The following GCNT2 variants were observed in gnomAD, a reference collection of about 807,000 sequenced individuals.
GCNT2 encodes the protein glucosaminyl (N-acetyl) transferase 2 (I blood group), also known as N-acetyllactosaminide beta-1,6-N-acetylglucosaminyl-transferase.
Under a neutral mutation model 34.2 loss-of-function variants are expected in GCNT2, and 34 were observed. The ratio of observed to expected loss-of-function variants is 1.00; its 90% confidence interval spans 0.76 to 1.32. The LOEUF (loss-of-function observed/expected upper bound fraction) is 1.32, where lower values mean the gene tolerates loss of function less well. Ranked by LOEUF, GCNT2 falls within the 40% of genes most tolerant of loss-of-function variation. GCNT2 has a pLI of 0.00. For missense variants in GCNT2, 584 were observed against 489.4 expected, an observed-to-expected ratio of 1.19 and a Z score of -1.82; for synonymous variants, 212 against 188.0, an observed-to-expected ratio of 1.13 and a Z score of -1.04.
In GCNT2 at chr6:10,527,817, C is replaced by T. The variant is rs1761273594; in HGVS notation, c.-282+157C>T. Among the ~76,000 whole-genome samples, 5 of 152,078 alleles carry T rather than the reference C, an allele frequency of 3.3e-5. No individual in the cohort carries two copies. The South Asian group carries it at 1.0e-3, about 32-fold the overall frequency. ...CGGCGATGGACTCTGTATATGTTAT[C>T]TCATTTTATTCTCACAATTGACCTC... On this transcript the variant is annotated intron_variant, in intron 2 of 4. Transcript: ENST00000495262.
At chr6:10,525,160 C>CT (rs1224321769) in intron 1 of GCNT2, among the ~76,000 whole-genome samples, 1 of 152,144 alleles carries the variant, frequency 6.6e-6, no homozygotes, top group Non-Finnish European at 1.5e-5. Flanking sequence ...AGATTAAACT[C>CT]TAAGTGCAGT....
intron 3 of GCNT2, among the ~76,000 whole-genome samples, chr6:10,620,555 G>A (rs768717774): frequency 1.3e-5 from 2 of 151,880 alleles, no homozygotes; most frequent in African/African-American, 4.8e-5. Context: ...CTACAAGCAC[G>A]TGCCACCGCA....
intron 3 of GCNT2, among the ~76,000 whole-genome samples, chr6:10,550,829 GCAGGGGCCCT>G (rs1762448504): frequency 6.6e-6 from 1 of 152,170 alleles, no homozygotes; most frequent in Admixed American, 6.5e-5. Flanking sequence ...AACTCTTAGG[GCAGGGGCCCT>G]GTAACCTGTA....
chr6:10,545,543 A>G (rs992970360), intron 3 of GCNT2, among the ~76,000 whole-genome samples: 1 of 152,236 alleles, frequency 6.6e-6, no homozygotes, highest in Non-Finnish European at 1.5e-5. Flanking sequence ...TATTAGGAAT[A>G]AAGCGAACTT....
At chr6:10,543,028 C>T (rs1241074596) in intron 3 of GCNT2, among the ~76,000 whole-genome samples, 7 of 151,540 alleles carry the variant, frequency 4.6e-5, no homozygotes, top group African/African-American at 9.7e-5. Flanking sequence ...CTACCTCAGC[C>T]TCCCAAGTAG....
At chr6:10,561,099 C>T (rs948470518) in intron 3 of GCNT2, among the ~76,000 whole-genome samples, 1 of 152,216 alleles carries the variant, frequency 6.6e-6, no homozygotes, top group Non-Finnish European at 1.5e-5. Flanking sequence ...GTAATGATTG[C>T]TCTAAGTCAC....
chr6:10,582,623 T>A (rs1243391869), intron 3 of GCNT2, among the ~76,000 whole-genome samples: 1 of 140,262 alleles, frequency 7.1e-6, no homozygotes, highest in Non-Finnish European at 1.5e-5. Context: ...AATATATATA[T>A]TTTTTTTCCC....
In GCNT2 at chr6:10,626,708, A is replaced by T; in HGVS notation, c.*101A>T. ...CCTTCGTAATGTTAACCGTTTCAGG[A>T]CCACGTTTATAGCTTCAGGACCTGG... is the stretch of plus-strand genomic sequence containing the variant. On this transcript the variant is annotated 3_prime_UTR_variant, in exon 5 of 5. Transcript: ENST00000495262. The T allele has an allele frequency of 3.6e-6, 3 of 829,170 alleles. No individual in the cohort carries two copies. In the East Asian group the frequency reaches 7.6e-5, roughly 21 times the overall value. The allele number at this position is 829,170 out of a possible 1,614,324, so 51.4% of individuals were successfully genotyped here.
intron 3 of GCNT2, among the ~76,000 whole-genome samples, chr6:10,597,265 C>T (rs987342403): frequency 2.0e-5 from 3 of 149,150 alleles, no homozygotes; most frequent in Non-Finnish European, 4.4e-5. Flanking sequence ...AAGCAATTCT[C>T]GTGCCTCAGC....
At chr6:10,572,431 G>C (rs980209597) in intron 3 of GCNT2, among the ~76,000 whole-genome samples, 12 of 152,076 alleles carry the variant, frequency 7.9e-5, no homozygotes, top group African/African-American at 2.9e-4. Context: ...CATCTAAAAG[G>C]ATAGATGGCA....
rs1398119221 is a variant in GCNT2 at position 10,605,250 on chromosome 6, C to T, written c.926-16101C>T. Among the ~76,000 whole-genome samples the T allele has an allele frequency of 2.2e-5, 3 of 135,082 alleles. No individual in the cohort carries two copies. The East Asian group carries it at 6.6e-4, about 30-fold the overall frequency. The allele number at this position is 135,082 out of a possible 152,430, so 88.6% of individuals were successfully genotyped here. Reference sequence around the variant, plus strand: ...TTTTTTTTTGAGACAGAGTCTCACTCTGCCACCCAGGCTGGAGTGCAGTGG... The same window carrying T: ...TTTTTTTTTGAGACAGAGTCTCACTTTGCCACCCAGGCTGGAGTGCAGTGG... On this transcript the variant is annotated intron_variant, in intron 3 of 4. Coordinates refer to ENST00000495262, the MANE Select transcript of GCNT2 (RefSeq NM_145649.5).
At chr6:10,620,334 GTAACTC>G (rs1015736763) in intron 3 of GCNT2, among the ~76,000 whole-genome samples, 3 of 152,134 alleles carry the variant, frequency 2.0e-5, no homozygotes, top group African/African-American at 7.2e-5. Flanking sequence ...GGAAAATGCT[GTAACTC>G]TAAAGCAAAG....
intron 3 of GCNT2, among the ~76,000 whole-genome samples, chr6:10,542,699 A>G (rs1762089662): frequency 1.3e-5 from 2 of 152,138 alleles, no homozygotes; most frequent in African/African-American, 2.4e-5. Flanking sequence ...TTTTATAGGA[A>G]TGGATGCTGT....
chr6:10,584,109 TTC>T (rs1247657924), intron 3 of GCNT2, among the ~76,000 whole-genome samples: 1 of 151,962 alleles, frequency 6.6e-6, no homozygotes, highest in Non-Finnish European at 1.5e-5. Flanking sequence ...AGTCTCTGAG[TTC>T]TCTCAGTATT....
At chr6:10,592,025 C>CA (rs1356696560) in intron 3 of GCNT2, among the ~76,000 whole-genome samples, 5 of 152,224 alleles carry the variant, frequency 3.3e-5, no homozygotes, top group Non-Finnish European at 7.3e-5. Flanking sequence ...TTCATTCACT[C>CA]ATGCTGATTG....
chr6:10,564,621 G>A (rs150746616), intron 3 of GCNT2, among the ~76,000 whole-genome samples: 2 of 152,234 alleles, frequency 1.3e-5, no homozygotes, highest in East Asian at 1.9e-4. Context: ...TGGCCTGAAT[G>A]TGAATCCCGG....
intron 3 of GCNT2, among the ~76,000 whole-genome samples, chr6:10,538,280 C>T (rs1392717684): frequency 6.0e-5 from 9 of 150,796 alleles, no homozygotes; most frequent in African/African-American, 9.8e-5. Context: ...TGGTGGTGCA[C>T]GCCTGTAATC....
chr6:10,614,161 C>A (rs971848481), intron 3 of GCNT2, among the ~76,000 whole-genome samples: 4 of 152,114 alleles, frequency 2.6e-5, no homozygotes, highest in African/African-American at 9.7e-5. Context: ...AAAATAATAA[C>A]CAAGTGATGC....
intron 3 of GCNT2, among the ~76,000 whole-genome samples, chr6:10,546,562 G>C (rs2113616151): frequency 6.6e-6 from 1 of 152,252 alleles, no homozygotes; most frequent in East Asian, 1.9e-4. Flanking sequence ...AGGAGGCTGA[G>C]GCAGGATAAT....
Sources: allele counts gnomAD v4.1 joint callset (sites outside exome capture counted in the v4.1 genomes callset), GRCh38; gene constraint gnomAD v4.1.1; transcripts MANE v1.5; gene names NCBI Gene and HGNC (gene_info 2026-07-23, HGNC 2026-07-21).